SLC52A1: variants seen among roughly 807,000 people sequenced by gnomAD.
SLC52A1 encodes solute carrier family 52 member 1, also known as solute carrier family 52, riboflavin transporter, member 1.
Under a neutral mutation model 23.2 loss-of-function variants are expected in SLC52A1, and 20 were observed. The ratio of observed to expected loss-of-function variants is 0.86; its 90% CI spans 0.61 to 1.25. The LOEUF is 1.25. SLC52A1 is among the 50% of genes most tolerant of loss of function. SLC52A1 has a pLI of 0.00. For synonymous variants in SLC52A1, 260 were observed against 256.6 expected (o/e 1.01, Z -0.13); for missense variants, 528 against 557.0 (o/e 0.95, Z 0.52).
upstream of SLC52A1, among the ~76,000 whole-genome samples, chr17:5,039,151 C>T (rs536225341): frequency 4.6e-5 from 7 of 151,348 alleles, no homozygotes; most frequent in Non-Finnish European, 8.8e-5. Flanking sequence ...GGTGAAACCC[C>T]GTCTCTACTA....
upstream of SLC52A1, among the ~76,000 whole-genome samples, chr17:5,039,862 T>G (rs1261638936): frequency 6.6e-6 from 1 of 152,178 alleles, no homozygotes; most frequent in Non-Finnish European, 1.5e-5. Context: ...GATGCTTCTC[T>G]TGGAATGACT....
rs1368446556 is a variant in SLC52A1, at chr17:5,033,657, G to C, written c.832C>G (p.His278Asp). 1 of 1,614,062 alleles carries C rather than the reference G, an allele frequency of 6.2e-7. No individual in the cohort carries two copies. The highest frequency in any genetic ancestry group is 1.1e-5 in the South Asian group (1 of 91,090). ...ATCAGGCCCAGCAGGAAGGCACCATGGGCTGAGAACAGCTGATGGGCCTCA... is the reference window on the plus strand; with the variant it reads ...ATCAGGCCCAGCAGGAAGGCACCATCGGCTGAGAACAGCTGATGGGCCTCA... ...DPEAHQLFSA[H>D]GAFLLGLMAF... is the part of the protein sequence containing the mutation. The change falls in exon 3 of 5, where the codon CAT becomes GAT. Residue 278 changes from histidine (H) to aspartate (D), a missense_variant. Physicochemically the swap from His to Asp is moderately conservative, Grantham distance 81. Transcript: ENST00000254853.
Position 5,033,967 on chromosome 17 carries a change from T to C in SLC52A1, c.522A>G (p.Pro174=). The C allele has an allele frequency of 1.9e-6, 3 of 1,614,082 alleles. No homozygotes were observed. The highest frequency in any genetic ancestry group is 2.5e-6 in the Non-Finnish European group (3 of 1,179,990). The change falls in exon 3 of 5, where the codon CCA becomes CCG. Residue 174 remains proline, a synonymous_variant. Transcript: ENST00000254853. ...VQGVGRLECP[P]APTNGTSGPP... is the part of the protein sequence containing the mutation. ...GCCCAGAGGTGCCATTGGTGGGCGC[T>C]GGTGGGCACTCGAGGCGGCCCACAC...
intron 2 of SLC52A1, 51 bp from the exon 3 acceptor site, chr17:5,034,409 A>G (rs745955975): frequency 6.2e-6 from 10 of 1,605,916 alleles, no homozygotes; most frequent in Non-Finnish European, 8.5e-6. Context: ...TAAGGGACAA[A>G]GAGCTGCCAC....
chr17:5,034,751 G>A, intron 1 of SLC52A1, 38 bp from the exon 2 acceptor site: 2 of 1,135,720 alleles, frequency 1.8e-6, no homozygotes, highest in Non-Finnish European at 2.4e-6. Flanking sequence ...TAATAGGCTG[G>A]TGGGACAGAA....
chr17:5,039,140 C>T (rs1006112410), upstream of SLC52A1, among the ~76,000 whole-genome samples: 26 of 151,016 alleles, frequency 1.7e-4, no homozygotes, highest in Non-Finnish European at 2.7e-4. Flanking sequence ...CTGGCCAACA[C>T]GGTGAAACCC....
At chr17:5,041,277 C>T (rs1258107095) in intron 1 of SLC52A1, among the ~76,000 whole-genome samples, 3 of 151,714 alleles carry the variant, frequency 2.0e-5, no homozygotes, top group Non-Finnish European at 4.4e-5. Flanking sequence ...TTTATTTTTA[C>T]TTATTTATTT....
chr17:5,036,124 C>T (rs1263125254), upstream of SLC52A1, among the ~76,000 whole-genome samples: 8 of 147,444 alleles, frequency 5.4e-5, no homozygotes, highest in Non-Finnish European at 8.9e-5. Context: ...CTCTGCCTCC[C>T]GGGTTCAAGC....
In SLC52A1 at chr17:5,032,811, C is replaced by T; in HGVS notation, c.*146G>A. The T allele has an allele frequency of 5.3e-6, 4 of 756,442 alleles. No individual in the cohort carries two copies. In the South Asian group the frequency reaches 5.4e-5, roughly 10 times the overall value. 46.9% of individuals were successfully genotyped at this position (756,442 alleles called of 1,614,324 possible). A position where few individuals can be genotyped will look rare whatever the true frequency, so the allele number is the denominator to read the frequency against. ...GTCTTTGGTGCCCACCCTGGCCTCA[C>T]ATGCCAACGTCTTCTGTGGAGTGTG... On this transcript the variant is annotated 3_prime_UTR_variant, in exon 5 of 5. Coordinates refer to ENST00000254853, the MANE Select transcript of SLC52A1 (RefSeq NM_017986.4).
chr17:5,037,290 C>T (rs142000200), upstream of SLC52A1, among the ~76,000 whole-genome samples: 232 of 152,286 alleles, frequency 1.5e-3, 2 homozygotes, highest in African/African-American at 5.3e-3. Context: ...GAGGCCGAGG[C>T]GGGCTGATCA....
At position 5,033,731 on chromosome 17, in the gene SLC52A1, A is replaced by G. The variant is rs1975379756; in HGVS notation, c.758T>C (p.Leu253Ser). ...EEKEEEEALP[L>S]QEPPSQAAGT... The stretch of plus-strand genomic sequence containing the variant: ...TGCTGCCTGGCTCGGTGGCTCCTGC[A>G]ATGGCAAAGCCTCTTCTTCCTCCTT... Residue 253 changes from leucine to serine, a missense_variant, in exon 3 of 5, where the codon TTG becomes TCG. Physicochemically the swap from Leu to Ser is moderately radical, Grantham distance 145. Transcript: ENST00000254853. The G allele has an allele frequency of 6.2e-7, 1 of 1,614,082 alleles. No homozygotes were observed. The highest frequency in any genetic ancestry group is 1.7e-5 in the Admixed American group (1 of 60,030).
chr17:5,037,117 C>T (rs1975476432), upstream of SLC52A1, among the ~76,000 whole-genome samples: 1 of 152,148 alleles, frequency 6.6e-6, no homozygotes, highest in Non-Finnish European at 1.5e-5. Flanking sequence ...CCAATGTACT[C>T]CAGCTTGGGT....
At position 5,034,264 on chromosome 17, in the gene SLC52A1, C is replaced by T; in HGVS notation, c.225G>A (p.Lys75=). The change falls in exon 3 of 5, where the codon AAG becomes AAA. Residue 75 remains lysine, a synonymous_variant. Coordinates refer to ENST00000254853, the MANE Select transcript of SLC52A1 (RefSeq NM_017986.4). ...CCACCTGGATGGGGACCTGCTCGCC[C>T]TTGCCCGGGGCCAGCTGCCTCCACA... ...VTLWRQLAPG[K]GEQVPIQVVQ... The T allele has an allele frequency of 6.2e-7, 1 of 1,611,446 alleles. No homozygotes were observed. The highest frequency in any genetic ancestry group is 8.5e-7 in the Non-Finnish European group (1 of 1,178,326).
Position 5,033,974 on chromosome 17 carries a change from C to T in SLC52A1, c.515G>A (p.Cys172Tyr), listed in dbSNP as rs1975391718. The T allele has an allele frequency of 6.2e-7, 1 of 1,613,926 alleles. No homozygotes were observed. The highest frequency in any genetic ancestry group is 1.7e-5 in the Admixed American group (1 of 59,998). ...GGTGCCATTGGTGGGCGCTGGTGGGCACTCGAGGCGGCCCACACCTTGCAC... is the reference window on the plus strand; with the variant it reads ...GGTGCCATTGGTGGGCGCTGGTGGGTACTCGAGGCGGCCCACACCTTGCAC... ...ALVQGVGRLE[C>Y]PPAPTNGTSG... The change falls in exon 3 of 5, where the codon TGC becomes TAC. Residue 172 changes from cysteine (C) to tyrosine (Y), a missense_variant. Coordinates refer to ENST00000254853, the MANE Select transcript of SLC52A1 (RefSeq NM_017986.4).
At position 5,033,193 on chromosome 17, in the gene SLC52A1, G is replaced by C. The variant is rs1268182754; in HGVS notation, c.1135-24C>G. On this transcript the variant is annotated intron_variant, in intron 4 of 4. Transcript: ENST00000254853. ...ACCTGCAAGGGAGGACACAGCAGCA[G>C]GCTGAGCATGACATGCACTTGCTCC... 3.1e-6 allele frequency: 5 copies of C among 1,613,248 alleles called. No individual in the cohort carries two copies. In the South Asian group the frequency reaches 3.3e-5, roughly 11 times the overall value.
At position 5,033,418 on chromosome 17, in the gene SLC52A1, G is replaced by A. The variant is rs201172765; in HGVS notation, c.1011-34C>T. The A allele has an allele frequency of 1.3e-4, 214 of 1,613,052 alleles. No individual in the cohort carries two copies. In the Middle Eastern group the frequency reaches 1.5e-3, roughly 11 times the overall value. On this transcript the variant is annotated intron_variant, in intron 3 of 4. Coordinates refer to ENST00000254853, the MANE Select transcript of SLC52A1 (RefSeq NM_017986.4). ...GATGAGCAGAGACTCAGGGCTGGCT[G>A]TTCTGGGACCTGGACCCCAACCTTA... is the stretch of plus-strand genomic sequence containing the variant.
At chr17:5,037,146 A>G (rs138966526), upstream of SLC52A1, among the ~76,000 whole-genome samples, 216 of 152,284 alleles carry the variant, frequency 1.4e-3, 1 homozygote, top group African/African-American at 5.0e-3. Context: ...GACCCTGTCT[A>G]AAACCAAAAC....
intron 1 of SLC52A1, 23 bp from the exon 2 acceptor site, chr17:5,034,736 G>T: frequency 7.9e-7 from 1 of 1,271,262 alleles, no homozygotes; most frequent in Non-Finnish European, 1.1e-6. Flanking sequence ...AGACAGGCTG[G>T]CAGGTAATAG....
At chr17:5,041,739 A>G (rs934311330) in intron 1 of SLC52A1, among the ~76,000 whole-genome samples, 3 of 151,910 alleles carry the variant, frequency 2.0e-5, no homozygotes, top group African/African-American at 7.3e-5. Context: ...TCGGCCTCCC[A>G]AAGTGCTGGG....
Sources: allele counts gnomAD v4.1 joint callset (sites outside exome capture counted in the v4.1 genomes callset), GRCh38; gene constraint gnomAD v4.1.1; transcripts MANE v1.5; gene names NCBI Gene and HGNC (gene_info 2026-07-23, HGNC 2026-07-21).